MEF2C: variants seen among roughly 807,000 people sequenced by gnomAD.
MEF2C encodes the protein myocyte enhancer factor 2C.
Under a neutral mutation model 50.5 loss-of-function variants are expected in MEF2C, and 6 were observed. The ratio of observed to expected loss-of-function variants is 0.12; its 90% CI spans 0.07 to 0.23. The LOEUF (loss-of-function observed/expected upper bound fraction) is 0.23, where lower values mean the gene tolerates loss of function less well. Among genes scored for constraint, MEF2C ranks in the 10% least tolerant of loss-of-function variants. MEF2C has a pLI of 1.00. For missense variants in MEF2C, 276 were observed against 605.0 expected (o/e 0.46, Z 5.70); for synonymous variants, 183 against 228.0 (o/e 0.80, Z 1.78).
chr5:88,855,011 GT>G (rs1235749951), intron 1 of MEF2C, among the ~76,000 whole-genome samples: 1 of 152,174 alleles, frequency 6.6e-6, no homozygotes, highest in Admixed American at 6.5e-5. Flanking sequence ...ACTACCCAAA[GT>G]GGTTCTATGC....
intron 1 of MEF2C, among the ~76,000 whole-genome samples, chr5:88,869,298 C>CATATATAT (rs201507162): frequency 2.0e-5 from 2 of 101,134 alleles, no homozygotes; most frequent in East Asian, 2.6e-4. Context: ...TATATATACA[C>CATATATAT]ATATATATAT....
chr5:88,762,467 C>T (rs1485354445), intron 3 of MEF2C, among the ~76,000 whole-genome samples: 1 of 152,036 alleles, frequency 6.6e-6, no homozygotes, highest in Non-Finnish European at 1.5e-5. Context: ...TGGGTTTCTC[C>T]ATGTTGGCCA....
exon 1 of MEF2C, chr5:88,903,992 T>TA (rs1021001389): frequency 1.3e-4 from 20 of 152,154 alleles, no homozygotes; most frequent in African/African-American, 4.3e-4. Context: ...CCCTGACAGG[T>TA]AAAAAAATTC....
At chr5:88,728,460 TA>T in intron 10 of MEF2C, 32 bp downstream of exon 10, 1 of 1,346,372 alleles carries the variant, frequency 7.4e-7, no homozygotes, top group Non-Finnish European at 9.6e-7. Flanking sequence ...AAATACATTC[TA>T]AAATTATATT....
intron 3 of MEF2C, among the ~76,000 whole-genome samples, chr5:88,799,679 T>G (rs1238004945): frequency 6.6e-6 from 1 of 152,220 alleles, no homozygotes; most frequent in Non-Finnish European, 1.5e-5. Flanking sequence ...AGGCCTTAAT[T>G]ATTACTGTGC....
chr5:88,788,310 C>A (rs1433081620), intron 3 of MEF2C, among the ~76,000 whole-genome samples: 1 of 152,166 alleles, frequency 6.6e-6, no homozygotes, highest in African/African-American at 2.4e-5. Context: ...AAGCAATTCT[C>A]CTGCTTCATC....
At chr5:88,883,541 A>C, upstream of MEF2C, 1 of 10,558 alleles carries the variant, frequency 9.5e-5, no homozygotes, top group African/African-American at 3.8e-4. Context: ...CTGGGAGGGG[A>C]GGCGGGGGTG....
chr5:88,762,574 A>C (rs55721747), intron 3 of MEF2C, among the ~76,000 whole-genome samples: 2,743 of 119,206 alleles, frequency 0.023, 86 homozygotes, highest in African/African-American at 0.068. Flanking sequence ...GGCCTGCTTT[A>C]TTATTATTAT....
intron 6 of MEF2C, chr5:88,742,899 T>C: frequency 1.0e-6 from 1 of 984,624 alleles, no homozygotes; most frequent in Middle Eastern, 5.2e-4. Flanking sequence ...GTTTTTTTTT[T>C]TCTTTAATCT....
intron 1 of MEF2C, chr5:88,825,795 T>A: frequency 5.0e-6 from 1 of 198,364 alleles, no homozygotes; most frequent in Non-Finnish European, 9.1e-6. Context: ...AAGCTTTCTC[T>A]ATCACAGAAA....
chr5:88,760,800 A>T (rs1266674947), intron 4 of MEF2C, among the ~76,000 whole-genome samples: 1 of 152,174 alleles, frequency 6.6e-6, no homozygotes, highest in Non-Finnish European at 1.5e-5. Flanking sequence ...TTTCGATGGC[A>T]ACTCTGTTAG....
At chr5:88,745,247 G>A (rs925986804) in intron 6 of MEF2C, among the ~76,000 whole-genome samples, 2 of 152,198 alleles carry the variant, frequency 1.3e-5, no homozygotes, top group African/African-American at 2.4e-5. Flanking sequence ...AGAGCTGAGC[G>A]TCCTAGAGAG....
chr5:88,776,982 C>T (rs1785106205), intron 3 of MEF2C, among the ~76,000 whole-genome samples: 1 of 152,218 alleles, frequency 6.6e-6, no homozygotes, highest in Non-Finnish European at 1.5e-5. Flanking sequence ...TAGACCTGGC[C>T]TCCTGGCTGC....
intron 1 of MEF2C, among the ~76,000 whole-genome samples, chr5:88,881,579 C>T (rs1832839848): frequency 1.3e-5 from 2 of 152,066 alleles, no homozygotes; most frequent in Non-Finnish European, 2.9e-5. Flanking sequence ...AATTGGTATG[C>T]AATACGAGGT....
At chr5:88,723,129 C>A (rs1756958887) in intron 10 of MEF2C, among the ~76,000 whole-genome samples, 1 of 152,200 alleles carries the variant, frequency 6.6e-6, no homozygotes, top group Non-Finnish European at 1.5e-5. Flanking sequence ...GTAGTAATTA[C>A]AGCATTTAAC....
chr5:88,808,234 G>A (rs1478911578), intron 2 of MEF2C, among the ~76,000 whole-genome samples: 5 of 152,126 alleles, frequency 3.3e-5, no homozygotes, highest in African/African-American at 9.7e-5. Context: ...TTTACTTAGT[G>A]AAATAGGCTA....
rs1761785681 is a variant in MEF2C, at chr5:88,731,787, C to T, written c.752G>A (p.Arg251His). Residue 251 changes from arginine (R) to histidine (H), a missense_variant, in exon 7 of 11, where the codon CGT becomes CAT. By Grantham distance (29) the Arg-to-His change is conservative. Coordinates refer to ENST00000504921, the MANE Select transcript of MEF2C (RefSeq NM_002397.5). The stretch of plus-strand genomic sequence containing the variant: ...AATAAGAACTCGGAGATCTGGTTTA[C>T]GGTTATTCATTCCTAAATTCATTGG... ...PPPMNLGMNN[R>H]KPDLRVLIPP... The T allele has an allele frequency of 6.2e-7, 1 of 1,613,334 alleles. No individual in the cohort carries two copies. Among genetic ancestry groups the T allele is most frequent in the Non-Finnish European group, 8.5e-7 (1 of 1,179,496 alleles).
At chr5:88,764,830 A>AAG (rs1779343566) in intron 3 of MEF2C, among the ~76,000 whole-genome samples, 2 of 146,634 alleles carry the variant, frequency 1.4e-5, no homozygotes, top group Non-Finnish European at 3.0e-5. Flanking sequence ...AAAAAAAAAA[A>AAG]GAAGTAGAAA....
intron 3 of MEF2C, chr5:88,771,682 C>T (rs569575419): frequency 2.3e-6 from 2 of 866,800 alleles, no homozygotes; most frequent in East Asian, 1.2e-4. Context: ...ACAAACTTGA[C>T]AGTCATACTT....
Sources: gnomAD v4.1 joint callset for allele counts (sites outside exome capture counted in the v4.1 genomes callset) on GRCh38, gnomAD v4.1.1 for gene constraint, MANE v1.5 for transcripts, NCBI Gene and HGNC (gene_info 2026-07-23, HGNC 2026-07-21) for gene names.